RTN1: variants seen among roughly 807,000 people sequenced by gnomAD.
The protein encoded by RTN1 is reticulon 1.
RTN1 carries 25 observed loss-of-function variants against 65.5 expected under a neutral mutation model. That is an observed-to-expected ratio of 0.38 (90% CI 0.28 to 0.53). The LOEUF (loss-of-function observed/expected upper bound fraction) is 0.53. Ranked by LOEUF, RTN1 falls within the 20% of genes least tolerant of loss-of-function variation. The pLI is 0.79. For synonymous variants in RTN1, 471 were observed against 447.6 expected, an observed-to-expected ratio of 1.05 and a Z score of -0.66; for missense variants, 983 against 1,025.4, an observed-to-expected ratio of 0.96 and a Z score of 0.57.
chr14:59,645,387 T>G (rs1811418801), intron 3 of RTN1, among the ~76,000 whole-genome samples: 1 of 150,952 alleles, frequency 6.6e-6, no homozygotes, highest in Non-Finnish European at 1.5e-5. Flanking sequence ...TTGTTACATG[T>G]TTTCTATATA....
intron 1 of RTN1, among the ~76,000 whole-genome samples, chr14:59,750,325 A>C (rs759907272): frequency 0.18 from 3,972 of 22,410 alleles, 474 homozygotes; most frequent in African/African-American, 0.29. Flanking sequence ...TATCTATAAT[A>C]TATAATATAT....
chr14:59,715,734 G>A (rs1489167185), intron 3 of RTN1, among the ~76,000 whole-genome samples: 8 of 151,754 alleles, frequency 5.3e-5, no homozygotes, highest in Admixed American at 5.3e-4. Flanking sequence ...GCTGAGGCAA[G>A]AGAATTGCTT....
intron 3 of RTN1, among the ~76,000 whole-genome samples, chr14:59,706,800 G>A (rs548610591): frequency 6.6e-6 from 1 of 152,256 alleles, no homozygotes; most frequent in South Asian, 2.1e-4. Flanking sequence ...GAAGGGCGCT[G>A]GACATCTTAA....
At chr14:59,793,225 A>C (rs115125486) in intron 1 of RTN1, among the ~76,000 whole-genome samples, 1,914 of 152,268 alleles carry the variant, frequency 0.013, 38 homozygotes, top group African/African-American at 0.042. Flanking sequence ...CAATATGTAG[A>C]ATTTTACTTT....
intron 3 of RTN1, among the ~76,000 whole-genome samples, chr14:59,691,758 T>C (rs1440012924): frequency 1.3e-5 from 2 of 152,190 alleles, no homozygotes; most frequent in Non-Finnish European, 2.9e-5. Context: ...GCTTTATTCC[T>C]GGGACACTGG....
At chr14:59,801,337 A>C (rs1886542296) in intron 1 of RTN1, among the ~76,000 whole-genome samples, 1 of 152,218 alleles carries the variant, frequency 6.6e-6, no homozygotes, top group Admixed American at 6.5e-5. Context: ...AGACATAGAC[A>C]AAATCTTCAA....
chr14:59,682,582 T>C (rs757032763), intron 3 of RTN1, among the ~76,000 whole-genome samples: 8 of 152,172 alleles, frequency 5.3e-5, no homozygotes, highest in African/African-American at 1.4e-4. Flanking sequence ...AACACAAGTG[T>C]TTCTGTTTAC....
intron 1 of RTN1, among the ~76,000 whole-genome samples, chr14:59,834,349 G>T (rs762820383): frequency 5.9e-5 from 9 of 152,062 alleles, no homozygotes; most frequent in Non-Finnish European, 1.0e-4. Flanking sequence ...ATAAAAGAAT[G>T]AACTGATAAA....
chr14:59,725,606 T>C (rs949562023), intron 3 of RTN1, among the ~76,000 whole-genome samples: 1 of 152,222 alleles, frequency 6.6e-6, no homozygotes, highest in Non-Finnish European at 1.5e-5. Flanking sequence ...ACACTAAATA[T>C]GCTTTCAGCT....
chr14:59,755,818 T>C (rs187835047), intron 1 of RTN1, among the ~76,000 whole-genome samples: 2 of 152,270 alleles, frequency 1.3e-5, no homozygotes, highest in African/African-American at 4.8e-5. Flanking sequence ...GAGTTAAAAA[T>C]AAAAAGAGCC....
chr14:59,813,532 C>T (rs1357870543), intron 1 of RTN1, among the ~76,000 whole-genome samples: 4 of 152,214 alleles, frequency 2.6e-5, no homozygotes, highest in South Asian at 2.1e-4. Context: ...TTTGTAAGAC[C>T]GCTTTTTAAA....
chr14:59,704,023 A>G (rs373933343), intron 3 of RTN1, among the ~76,000 whole-genome samples: 1 of 152,200 alleles, frequency 6.6e-6, no homozygotes, highest in Non-Finnish European at 1.5e-5. Context: ...TATTGCAGGA[A>G]ATCACAGATT....
intron 1 of RTN1, among the ~76,000 whole-genome samples, chr14:59,765,258 C>A (rs10138288): frequency 6.6e-6 from 1 of 151,924 alleles, no homozygotes; most frequent in African/African-American, 2.4e-5. Flanking sequence ...AGTAGGGTGA[C>A]CTTTAAAGAG....
At chr14:59,744,169 A>G (rs898588389) in intron 2 of RTN1, among the ~76,000 whole-genome samples, 3 of 152,304 alleles carry the variant, frequency 2.0e-5, no homozygotes, top group South Asian at 4.1e-4. Flanking sequence ...TTTGTACTAT[A>G]CCATCAGGGT....
intron 3 of RTN1, among the ~76,000 whole-genome samples, chr14:59,628,579 T>C (rs1004320150): frequency 6.6e-6 from 1 of 152,336 alleles, no homozygotes; most frequent in South Asian, 2.1e-4. Flanking sequence ...TTGTTCCATC[T>C]AACAAAAGGA....
intron 1 of RTN1, among the ~76,000 whole-genome samples, chr14:59,787,558 A>G (rs1030926126): frequency 6.6e-6 from 1 of 152,220 alleles, no homozygotes; most frequent in African/African-American, 2.4e-5. Flanking sequence ...TCTTTCTTCT[A>G]TGCAGCTTTT....
intron 3 of RTN1, among the ~76,000 whole-genome samples, chr14:59,706,544 T>A (rs1884298282): frequency 6.7e-6 from 1 of 149,890 alleles, no homozygotes; most frequent in Non-Finnish European, 1.5e-5. Context: ...CACAGACCAG[T>A]AACTCACATG....
chr14:59,598,311 T>C (rs1162056471), intron 8 of RTN1, among the ~76,000 whole-genome samples: 2 of 152,206 alleles, frequency 1.3e-5, no homozygotes, highest in Admixed American at 1.3e-4. Flanking sequence ...CTTTGGTTTT[T>C]AGCCTGAGGA....
chr14:59,757,150 T>A (rs1885656059), intron 1 of RTN1, among the ~76,000 whole-genome samples: 1 of 152,138 alleles, frequency 6.6e-6, no homozygotes, highest in African/African-American at 2.4e-5. Context: ...TGTGTTAATA[T>A]CCTAACCCCA....
Sources: allele counts gnomAD v4.1 joint callset (sites outside exome capture counted in the v4.1 genomes callset), GRCh38; gene constraint gnomAD v4.1.1; transcripts MANE v1.5; gene names NCBI Gene and HGNC (gene_info 2026-07-23, HGNC 2026-07-21).